Variants in BICC1 observed in about 807,000 individuals in gnomAD.
BICC1 encodes the protein protein bicaudal C homolog 1.
Under a neutral mutation model 111.0 loss-of-function variants are expected in BICC1, and 43 were observed. The observed-to-expected ratio is 0.39, with a 90% CI of 0.30 to 0.50. The LOEUF is 0.50. Ranked by LOEUF, BICC1 falls within the 20% of genes least tolerant of loss-of-function variation. The pLI is 0.88. For synonymous variants in BICC1, 467 were observed against 434.4 expected (o/e 1.07, Z -0.93); for missense variants, 1,091 against 1,203.2 (o/e 0.91, Z 1.38).
rs180977109 is a variant in BICC1 at position 58,650,049 on chromosome 10, C to T, written c.237+29148C>T. On this transcript the variant is annotated intron_variant, in intron 2 of 20. Coordinates refer to ENST00000373886, the MANE Select transcript of BICC1 (RefSeq NM_001080512.3). ...TGAAACAACATTTCATGAAACAATA[C>T]TTATATGTAATATAACCTTATCATT... 260 of 152,292 alleles carry T rather than the reference C, an allele frequency of 1.7e-3. 1 individual carries two copies. The highest frequency in any genetic ancestry group is 5.8e-3 in the African/African-American group (242 of 41,552). The allele number at this position is 152,292 out of a possible 1,614,324, so 9.4% of individuals were successfully genotyped here.
chr10:58,655,991 C>T (rs4579885), intron 2 of BICC1, among the ~76,000 whole-genome samples: 148,090 of 151,978 alleles, frequency 0.97, 72,264 homozygotes, highest in East Asian at 1. Flanking sequence ...ATCAAATAGA[C>T]GCAATAAAAA....
chr10:58,787,846 C>T (rs1269127703), intron 5 of BICC1, among the ~76,000 whole-genome samples: 1 of 152,110 alleles, frequency 6.6e-6, no homozygotes, highest in Non-Finnish European at 1.5e-5. Context: ...CCTGGAGCCC[C>T]TGTACCCCCC....
At chr10:58,640,849 A>G (rs1386289669) in intron 2 of BICC1, among the ~76,000 whole-genome samples, 1 of 152,240 alleles carries the variant, frequency 6.6e-6, no homozygotes, top group Non-Finnish European at 1.5e-5. Context: ...CACATCAAGT[A>G]AAAAGCTCTT....
At chr10:58,641,988 A>C (rs569601529) in intron 2 of BICC1, among the ~76,000 whole-genome samples, 93 of 152,358 alleles carry the variant, frequency 6.1e-4, no homozygotes, top group African/African-American at 2.1e-3. Flanking sequence ...ATTGAAACAT[A>C]GTTACAAAAT....
At chr10:58,677,343 T>C (rs1190279044) in intron 2 of BICC1, among the ~76,000 whole-genome samples, 1 of 152,144 alleles carries the variant, frequency 6.6e-6, no homozygotes, top group Non-Finnish European at 1.5e-5. Flanking sequence ...ATAATCAGTT[T>C]AGAGAACAAC....
intron 1 of BICC1, among the ~76,000 whole-genome samples, chr10:58,551,964 T>TGG (rs3075363): frequency 0.12 from 18,322 of 151,350 alleles, 1,231 homozygotes; most frequent in Middle Eastern, 0.16. Context: ...AAGTTTTTTT[T>TGG]GGGGGGGGAT....
chr10:58,748,307 A>G (rs1485358577), intron 3 of BICC1, among the ~76,000 whole-genome samples: 5 of 152,122 alleles, frequency 3.3e-5, no homozygotes, highest in African/African-American at 7.2e-5. Flanking sequence ...TCAGGCAGAT[A>G]ATAAAGAAAG....
chr10:58,652,276 A>G (rs1244940944), intron 2 of BICC1, among the ~76,000 whole-genome samples: 1 of 152,112 alleles, frequency 6.6e-6, no homozygotes, highest in African/African-American at 2.4e-5. Flanking sequence ...TATTGCTTGG[A>G]TAAGTAAAAA....
chr10:58,728,971 C>T (rs1228493439), intron 3 of BICC1, among the ~76,000 whole-genome samples: 1 of 152,116 alleles, frequency 6.6e-6, no homozygotes, highest in Admixed American at 6.5e-5. Context: ...CATGTGCTGT[C>T]ATCCAGACTT....
At chr10:58,521,471 G>A (rs1842384656) in intron 1 of BICC1, among the ~76,000 whole-genome samples, 1 of 151,958 alleles carries the variant, frequency 6.6e-6, no homozygotes, top group African/African-American at 2.4e-5. Flanking sequence ...TGAAATTTTG[G>A]GGAGCAAAGG....
chr10:58,521,959 G>A (rs1308952036), intron 1 of BICC1, among the ~76,000 whole-genome samples: 1 of 151,560 alleles, frequency 6.6e-6, no homozygotes, highest in Admixed American at 6.6e-5. Flanking sequence ...GGTGGTTAGA[G>A]GATGGTGAAA....
intron 2 of BICC1, among the ~76,000 whole-genome samples, chr10:58,626,992 C>T (rs1357784015): frequency 3.3e-5 from 5 of 152,060 alleles, no homozygotes; most frequent in Non-Finnish European, 7.4e-5. Context: ...ATCCGATCTA[C>T]TCGGGAGGCT....
chr10:58,808,382 C>T (rs1034145117), intron 17 of BICC1, among the ~76,000 whole-genome samples: 16 of 152,146 alleles, frequency 1.1e-4, no homozygotes, highest in African/African-American at 3.9e-4. Flanking sequence ...TATGGCTATT[C>T]CTTTCAGCCC....
chr10:58,811,174 A>G (rs1427993971), intron 17 of BICC1, among the ~76,000 whole-genome samples: 2 of 152,222 alleles, frequency 1.3e-5, no homozygotes, highest in Non-Finnish European at 2.9e-5. Flanking sequence ...TTGGGATACC[A>G]AAAGTCAAAC....
At chr10:58,746,795 A>G (rs2132627381) in intron 3 of BICC1, among the ~76,000 whole-genome samples, 1 of 152,296 alleles carries the variant, frequency 6.6e-6, no homozygotes, top group African/African-American at 2.4e-5. Flanking sequence ...GAATGGAGAG[A>G]AAAATCTGTT....
chr10:58,698,417 C>T (rs1019437739), intron 2 of BICC1, among the ~76,000 whole-genome samples: 15 of 152,122 alleles, frequency 9.9e-5, no homozygotes, highest in Admixed American at 9.2e-4. Context: ...ACATTCTTCA[C>T]CTTTTCTCCA....
In BICC1 at chr10:58,740,601, GA is replaced by G. The variant is rs199759963; in HGVS notation, c.307+38466del. Among the ~76,000 whole-genome samples, 1,457 of 151,730 alleles carry G rather than the reference GA, an allele frequency of 9.6e-3. 21 individuals are homozygous for G. Among genetic ancestry groups the G allele is most frequent in the African/African-American group, 0.033 (1,385 of 41,422 alleles). ...GGAGTGGCTTGGATTTGGGTGAAAA[GA>G]AAAAAAACCTCTTTGGAAATTAATA... On this transcript the variant is annotated intron_variant, in intron 3 of 20. Transcript: ENST00000373886.
chr10:58,717,750 A>C (rs1198530376), intron 3 of BICC1, among the ~76,000 whole-genome samples: 2 of 152,278 alleles, frequency 1.3e-5, no homozygotes, highest in East Asian at 3.9e-4. Flanking sequence ...TAAATTCTTA[A>C]AAGTAGAATT....
intron 2 of BICC1, among the ~76,000 whole-genome samples, chr10:58,699,610 T>A (rs1840168642): frequency 6.6e-6 from 1 of 152,112 alleles, no homozygotes; most frequent in Non-Finnish European, 1.5e-5. Flanking sequence ...CATTATTTAA[T>A]TCAGAAAAAG....
Sources: allele counts gnomAD v4.1 joint callset (sites outside exome capture counted in the v4.1 genomes callset), GRCh38; gene constraint gnomAD v4.1.1; transcripts MANE v1.5; gene names NCBI Gene and HGNC (gene_info 2026-07-23, HGNC 2026-07-21).